The following SNTG1 variants were observed in gnomAD, a reference collection of about 807,000 sequenced individuals.
SNTG1 encodes the protein gamma-1-syntrophin.
SNTG1 carries 39 observed loss-of-function variants against 74.7 expected under a neutral mutation model. That is an observed-to-expected ratio of 0.52 (90% CI 0.40 to 0.68). SNTG1 has a LOEUF of 0.68. Ranked by LOEUF, SNTG1 falls within the 30% of genes least tolerant of loss-of-function variation. The pLI is 0.00. For missense variants in SNTG1, 685 were observed against 609.5 expected (o/e 1.12, Z -1.30); for synonymous variants, 254 against 217.1 (o/e 1.17, Z -1.49).
At chr8:50,692,321 C>T (rs577727027) in intron 15 of SNTG1, among the ~76,000 whole-genome samples, 126 of 152,244 alleles carry the variant, frequency 8.3e-4, no homozygotes, top group African/African-American at 2.8e-3. Context: ...GGAGGAGAGG[C>T]GCTCTGATTT....
At chr8:49,980,924 G>T (rs2129167) in intron 1 of SNTG1, among the ~76,000 whole-genome samples, 5,224 of 152,162 alleles carry the variant, frequency 0.034, 229 homozygotes, top group South Asian at 0.13. Context: ...TCTTAGAGAA[G>T]AACTGTTTTT....
At chr8:50,705,765 T>C (rs967109384) in intron 16 of SNTG1, among the ~76,000 whole-genome samples, 1 of 152,186 alleles carries the variant, frequency 6.6e-6, no homozygotes, top group Non-Finnish European at 1.5e-5. Flanking sequence ...ATACACTAGA[T>C]CAAACTTTAT....
intron 1 of SNTG1, among the ~76,000 whole-genome samples, chr8:50,026,093 T>C (rs536324645): frequency 3.9e-5 from 6 of 152,318 alleles, no homozygotes; most frequent in East Asian, 1.9e-4. Context: ...GTTCAAATGT[T>C]TGTCTATAAA....
At chr8:50,258,299 C>T (rs2086981779) in intron 2 of SNTG1, among the ~76,000 whole-genome samples, 1 of 152,100 alleles carries the variant, frequency 6.6e-6, no homozygotes, top group African/African-American at 2.4e-5. Context: ...TATTATATTA[C>T]TAATTTTTCT....
At chr8:50,617,431 A>G (rs768938647) in intron 13 of SNTG1, among the ~76,000 whole-genome samples, 9 of 152,072 alleles carry the variant, frequency 5.9e-5, no homozygotes, top group Non-Finnish European at 1.0e-4. Flanking sequence ...ACGAAAAACA[A>G]GAAAAATAAT....
At chr8:50,261,855 G>A (rs1251803040) in intron 2 of SNTG1, among the ~76,000 whole-genome samples, 2 of 151,992 alleles carry the variant, frequency 1.3e-5, no homozygotes, top group African/African-American at 4.8e-5. Flanking sequence ...AAAAAGAGTG[G>A]AGGATAAAAA....
intron 4 of SNTG1, among the ~76,000 whole-genome samples, chr8:50,423,358 A>T (rs749459868): frequency 1.1e-4 from 17 of 152,238 alleles, no homozygotes; most frequent in Non-Finnish European, 8.8e-5. Flanking sequence ...ATTGCAAAAA[A>T]CAATCATAAA....
chr8:50,441,826 A>G (rs906660569), intron 5 of SNTG1, among the ~76,000 whole-genome samples: 1 of 152,170 alleles, frequency 6.6e-6, no homozygotes. Context: ...TTCTGACATC[A>G]ATTACATTGA....
At chr8:50,439,337 G>A (rs555814615) in intron 5 of SNTG1, among the ~76,000 whole-genome samples, 2 of 152,052 alleles carry the variant, frequency 1.3e-5, no homozygotes, top group South Asian at 2.1e-4. Context: ...TAATTATTGG[G>A]TTAGTTATTT....
chr8:50,660,554 C>G (rs767472465), intron 15 of SNTG1, among the ~76,000 whole-genome samples: 3 of 151,792 alleles, frequency 2.0e-5, no homozygotes, highest in Non-Finnish European at 4.4e-5. Context: ...AAAACTGCCT[C>G]AACAAATCAA....
chr8:50,782,459 C>T (rs1242299027), intron 18 of SNTG1, among the ~76,000 whole-genome samples: 5 of 152,150 alleles, frequency 3.3e-5, no homozygotes, highest in African/African-American at 1.2e-4. Context: ...TTCATTTCAT[C>T]TTCCATCACT....
At chr8:50,111,121 C>T (rs1308486876) in intron 1 of SNTG1, among the ~76,000 whole-genome samples, 1 of 145,454 alleles carries the variant, frequency 6.9e-6, no homozygotes, top group Non-Finnish European at 1.5e-5. Flanking sequence ...CTCATTGCAA[C>T]ATCAATGCCT....
chr8:50,221,116 T>A lies in SNTG1; in HGVS notation c.-28+48481T>A, dbSNP rs369701870. ...ACAAAAGAAATCATTAAAACTCCTA[T>A]ATATTTGGAAATTAAAGGAAATCTT... On this transcript the variant is annotated intron_variant, in intron 2 of 18. Coordinates refer to ENST00000642720, the MANE Select transcript of SNTG1 (RefSeq NM_018967.5). Among the ~76,000 whole-genome samples the A allele has an allele frequency of 1.7e-4, 26 of 152,294 alleles. 1 individual carries two copies. Among genetic ancestry groups the A allele is most frequent in the African/African-American group, 6.3e-4 (26 of 41,572 alleles).
rs567636704 is a variant in SNTG1, at chr8:50,000,742, A to G, written c.-103+88511A>G. Among the ~76,000 whole-genome samples the G allele has an allele frequency of 1.4e-3, 216 of 152,314 alleles. 3 individuals carry two copies. Among genetic ancestry groups the G allele is most frequent in the African/African-American group, 5.0e-3 (208 of 41,564 alleles). On this transcript the variant is annotated intron_variant, in intron 1 of 18. Coordinates refer to ENST00000642720, the MANE Select transcript of SNTG1 (RefSeq NM_018967.5). ...CTGTGCTTTACAAATGTAGTCAAAA[A>G]TAACTGCTCCCTGCTAGTTACTTAA...
At chr8:50,231,833 C>A (rs1359604672) in intron 2 of SNTG1, among the ~76,000 whole-genome samples, 2 of 151,258 alleles carry the variant, frequency 1.3e-5, no homozygotes, top group African/African-American at 4.8e-5. Flanking sequence ...TAACTGAGTA[C>A]TGTACATTTC....
At chr8:50,297,493 C>T (rs531997352) in intron 2 of SNTG1, among the ~76,000 whole-genome samples, 11 of 152,132 alleles carry the variant, frequency 7.2e-5, no homozygotes, top group African/African-American at 2.4e-4. Flanking sequence ...TTGTCTTTGG[C>T]ATATCTGGCC....
intron 2 of SNTG1, among the ~76,000 whole-genome samples, chr8:50,197,147 A>G (rs1275324999): frequency 1.3e-5 from 2 of 152,194 alleles, no homozygotes; most frequent in African/African-American, 4.8e-5. Flanking sequence ...ATTTATTTCC[A>G]TATTTATTTT....
intron 18 of SNTG1, among the ~76,000 whole-genome samples, chr8:50,767,261 C>T (rs72645844): frequency 0.032 from 4,876 of 151,994 alleles, 116 homozygotes; most frequent in Non-Finnish European, 0.05. Flanking sequence ...GCATGAGCCA[C>T]CATATGTATT....
intron 12 of SNTG1, among the ~76,000 whole-genome samples, chr8:50,582,864 A>C (rs1286326987): frequency 6.6e-6 from 1 of 152,168 alleles, no homozygotes; most frequent in African/African-American, 2.4e-5. Flanking sequence ...TTGGGAATTA[A>C]AAGATAGAAA....
Sources: gnomAD v4.1 joint callset for allele counts (sites outside exome capture counted in the v4.1 genomes callset) on GRCh38, gnomAD v4.1.1 for gene constraint, MANE v1.5 for transcripts, NCBI Gene and HGNC (gene_info 2026-07-23, HGNC 2026-07-21) for gene names.